Variants in SLC13A3 observed in about 807,000 individuals in gnomAD.
The protein encoded by SLC13A3 is Na(+)/dicarboxylate cotransporter 3.
SLC13A3 carries 40 observed loss-of-function variants against 59.0 expected under a neutral mutation model. That is an observed-to-expected ratio of 0.68 (90% CI 0.53 to 0.88). The LOEUF (loss-of-function observed/expected upper bound fraction) is 0.88, where lower values mean the gene tolerates loss of function less well. Among genes scored for constraint, SLC13A3 ranks in the 40% least tolerant of loss-of-function variants. The pLI is 0.00. For missense variants in SLC13A3, 699 were observed against 783.2 expected (o/e 0.89, Z 1.28); for synonymous variants, 317 against 330.3 (o/e 0.96, Z 0.44).
intron 9 of SLC13A3, among the ~76,000 whole-genome samples, chr20:46,576,294 T>C (rs971025957): frequency 2.6e-5 from 4 of 152,122 alleles, no homozygotes; most frequent in African/African-American, 9.7e-5. Flanking sequence ...CGTGTGGGCA[T>C]GGTTGTAAAT....
At chr20:46,585,881 AC>A in intron 8 of SLC13A3, 1 of 1,060,040 alleles carries the variant, frequency 9.4e-7, no homozygotes, top group Non-Finnish European at 1.2e-6. Context: ...CACCCATTTT[AC>A]CAGGGAAGAG....
intron 11 of SLC13A3, among the ~76,000 whole-genome samples, chr20:46,564,761 C>A (rs1019895904): frequency 6.6e-6 from 1 of 152,186 alleles, no homozygotes. Flanking sequence ...TCAATGAATG[C>A]ATAGACAAGG....
chr20:46,590,168 C>T (rs1034594684), intron 6 of SLC13A3, among the ~76,000 whole-genome samples: 2 of 152,012 alleles, frequency 1.3e-5, no homozygotes, highest in Non-Finnish European at 2.9e-5. Flanking sequence ...CCAAACTTCA[C>T]ACTGTACCAT....
upstream of SLC13A3, among the ~76,000 whole-genome samples, chr20:46,672,701 A>G (rs1054483385): frequency 6.6e-5 from 10 of 152,190 alleles, no homozygotes; most frequent in Admixed American, 2.0e-4. Flanking sequence ...GAATAAGGCC[A>G]CACAGCTTCT....
intron 1 of SLC13A3, among the ~76,000 whole-genome samples, chr20:46,667,756 T>C (rs919302095): frequency 2.0e-5 from 3 of 152,244 alleles, no homozygotes; most frequent in Admixed American, 1.3e-4. Context: ...TCTTGTCTCA[T>C]TGTGTTTTAC....
At position 46,563,566 on chromosome 20, in the gene SLC13A3, G is replaced by A. The variant is rs1165253064; in HGVS notation, c.1495-15C>T. 4 of 1,611,810 alleles carry A rather than the reference G, an allele frequency of 2.5e-6. No homozygotes were observed. In the South Asian group the frequency reaches 3.3e-5, roughly 13 times the overall value. On this transcript the variant is annotated splice_polypyrimidine_tract_variant and intron_variant, in intron 11 of 12. Coordinates refer to ENST00000279027, the MANE Select transcript of SLC13A3 (RefSeq NM_022829.6). ...AGGCGGATGGCCTGGGCCAGGAAAAGGTGGGAGAGACCCGGAGAGAGACCA... is the reference window on the plus strand; with the variant it reads ...AGGCGGATGGCCTGGGCCAGGAAAAAGTGGGAGAGACCCGGAGAGAGACCA...
rs763687620 is a variant in SLC13A3 at position 46,613,692 on chromosome 20, C to T, written c.145G>A (p.Ala49Thr). The T allele has an allele frequency of 3.7e-6, 6 of 1,607,240 alleles. No individual in the cohort carries two copies. Among genetic ancestry groups the T allele is most frequent in the Non-Finnish European group, 5.1e-6 (6 of 1,176,702 alleles). ...GRCLFVILLM[A>T]VYWCTEALPL... ...AGGGCCTCCGTGCACCAGTACACCG[C>T]CATGAGCAGGATGACAAACAAGCAG... The change falls in exon 2 of 13, where the codon GCG becomes ACG. Residue 49 changes from alanine to threonine, a missense_variant. By Grantham distance (58) the Ala-to-Thr change is moderately conservative. Transcript: ENST00000279027.
In SLC13A3 at chr20:46,593,689, ACAAT is replaced by A. The variant is rs2122685638; in HGVS notation, c.795-1164_795-1161del. On this transcript the variant is annotated intron_variant, in intron 5 of 12. Transcript: ENST00000279027. Reference sequence around the variant, plus strand: ...AAATAATAATTATTATAAAATGAAAACAATCAATGCTTATGATTAAAGCATGTAC... The same window carrying A: ...AAATAATAATTATTATAAAATGAAAACAATGCTTATGATTAAAGCATGTAC... Among the ~76,000 whole-genome samples, 3 of 152,320 alleles carry A rather than the reference ACAAT, an allele frequency of 2.0e-5. No individual in the cohort carries two copies. The South Asian group carries it at 6.2e-4, about 32-fold the overall frequency.
intron 1 of SLC13A3, among the ~76,000 whole-genome samples, chr20:46,619,560 T>C (rs1040731469): frequency 2.0e-5 from 3 of 152,196 alleles, no homozygotes; most frequent in African/African-American, 7.2e-5. Context: ...TGGCTCCCCA[T>C]GGCCCCCAGA....
At chr20:46,564,626 C>A (rs2061964053) in intron 11 of SLC13A3, among the ~76,000 whole-genome samples, 1 of 152,094 alleles carries the variant, frequency 6.6e-6, no homozygotes, top group Admixed American at 6.5e-5. Flanking sequence ...CTGAGGACTC[C>A]CACCCCATAC....
At chr20:46,603,549 ATT>A (rs111841623) in intron 3 of SLC13A3, among the ~76,000 whole-genome samples, 149 of 126,290 alleles carry the variant, frequency 1.2e-3, no homozygotes, top group Middle Eastern at 4.3e-3. Flanking sequence ...TAATTGTTGT[ATT>A]TTTTTTTTTT....
At chr20:46,575,712 C>T (rs1219325056) in intron 9 of SLC13A3, 27 bp from the exon 10 acceptor site, 2 of 1,434,022 alleles carry the variant, frequency 1.4e-6, no homozygotes, top group Admixed American at 2.0e-5. Context: ...ATTCAGCACA[C>T]ACTCAGGGCC....
chr20:46,600,951 G>T (rs1420758771), intron 3 of SLC13A3, among the ~76,000 whole-genome samples: 1 of 152,158 alleles, frequency 6.6e-6, no homozygotes, highest in African/African-American at 2.4e-5. Context: ...TCGGGTCTGA[G>T]ACCTCAAGGA....
intron 1 of SLC13A3, among the ~76,000 whole-genome samples, chr20:46,634,100 T>C (rs1022960721): frequency 3.3e-5 from 5 of 152,218 alleles, no homozygotes; most frequent in African/African-American, 1.2e-4. Context: ...GCACTTACTA[T>C]GTGTGAGTGC....
intron 1 of SLC13A3, among the ~76,000 whole-genome samples, chr20:46,614,932 A>G (rs1012189278): frequency 6.6e-6 from 1 of 152,232 alleles, no homozygotes; most frequent in African/African-American, 2.4e-5. Context: ...TAGGGGTTGC[A>G]GAGGAGCACA....
intron 11 of SLC13A3, among the ~76,000 whole-genome samples, chr20:46,564,557 T>TCCG (rs1327407919): frequency 6.6e-6 from 1 of 152,194 alleles, no homozygotes; most frequent in African/African-American, 2.4e-5. Flanking sequence ...GGTTCTATGC[T>TCCG]CCGTCTCCGT....
chr20:46,673,102 C>T (rs953130811), upstream of SLC13A3, among the ~76,000 whole-genome samples: 1 of 152,060 alleles, frequency 6.6e-6, no homozygotes, highest in Non-Finnish European at 1.5e-5. Context: ...GCCTCCATGG[C>T]CTTGTGGAAA....
At chr20:46,586,819 G>A (rs1394434186) in intron 8 of SLC13A3, among the ~76,000 whole-genome samples, 1 of 152,106 alleles carries the variant, frequency 6.6e-6, no homozygotes, top group Non-Finnish European at 1.5e-5. Flanking sequence ...AATGTCTCCT[G>A]TAAAAAGCCA....
At chr20:46,604,543 G>A (rs1411345067) in intron 3 of SLC13A3, among the ~76,000 whole-genome samples, 2 of 152,050 alleles carry the variant, frequency 1.3e-5, no homozygotes, top group Non-Finnish European at 2.9e-5. Flanking sequence ...GACATTCCTT[G>A]TCTCGCCCCG....
Sources: gnomAD v4.1 joint callset for allele counts (sites outside exome capture counted in the v4.1 genomes callset) on GRCh38, gnomAD v4.1.1 for gene constraint, MANE v1.5 for transcripts, NCBI Gene and HGNC (gene_info 2026-07-23, HGNC 2026-07-21) for gene names.